The following COL6A5 variants were observed in gnomAD, a reference collection of about 807,000 sequenced individuals.
The protein encoded by COL6A5 is collagen type VI alpha 5 chain.
COL6A5 carries 48 observed loss-of-function variants against 65.6 expected under a neutral mutation model. The observed-to-expected ratio is 0.73, with a 90% CI of 0.58 to 0.93. The LOEUF (loss-of-function observed/expected upper bound fraction) is 0.93, where lower values mean the gene tolerates loss of function less well. Ranked by LOEUF, COL6A5 falls within the 40% of genes least tolerant of loss-of-function variation. The probability of loss-of-function intolerance (pLI) is 0.00; values close to 1 mark genes in which losing one functional copy is unlikely to be tolerated. For synonymous variants in COL6A5, 291 were observed against 322.8 expected, an observed-to-expected ratio of 0.90 and a Z score of 1.05; for missense variants, 914 against 928.3, an observed-to-expected ratio of 0.98 and a Z score of 0.20.
At position 130,422,710 on chromosome 3, in the gene COL6A5, G is replaced by A. The variant is rs1394720999; in HGVS notation, c.5038-10G>A. The A allele has an allele frequency of 1.3e-6, 2 of 1,511,070 alleles. No individual in the cohort carries two copies. Among genetic ancestry groups the A allele is most frequent in the Admixed American group, 2.1e-5 (1 of 47,792 alleles). 93.6% of individuals were successfully genotyped at this position (1,511,070 alleles called of 1,614,324 possible). ...TTTAACATCTTGACTTTTTATATCT[G>A]AATCTTCAGGGTGATATTGGTAATC... On this transcript the variant is annotated splice_polypyrimidine_tract_variant and intron_variant and NMD_transcript_variant, in intron 27 of 41. Transcript: ENST00000312481.
At chr3:130,385,116 A>T in exon 5 of COL6A5, 2 of 1,551,098 alleles carry the variant, frequency 1.3e-6, no homozygotes, top group Non-Finnish European at 1.7e-6. Flanking sequence ...GGAATGAAGG[A>T]TAGAATGAGC....
chr3:130,373,679 C>T, exon 2 of COL6A5: 1 of 1,542,846 alleles, frequency 6.5e-7, no homozygotes, highest in South Asian at 1.2e-5. Context: ...ATCATTTGGA[C>T]TGAAACATTG....
At chr3:130,397,626 T>C (rs780231191) in exon 9 of COL6A5, 47 of 1,551,458 alleles carry the variant, frequency 3.0e-5, no homozygotes, top group East Asian at 9.8e-5. Context: ...TCTCCACTCA[T>C]GTGCAGGGGC....
At chr3:130,478,805 A>G (rs901392536) in intron 7 of COL6A5, among the ~76,000 whole-genome samples, 1 of 152,060 alleles carries the variant, frequency 6.6e-6, no homozygotes, top group East Asian at 1.9e-4. Context: ...TCCTGTACAT[A>G]CTTCTGTTAA....
At chr3:130,373,380 T>C (rs1423455502) in intron 1 of COL6A5, among the ~76,000 whole-genome samples, 3 of 152,188 alleles carry the variant, frequency 2.0e-5, no homozygotes, top group East Asian at 3.9e-4. Flanking sequence ...TTAAATTAGA[T>C]GACACTTGTC....
intron 5 of COL6A5, among the ~76,000 whole-genome samples, 176 bp downstream of exon 37, chr3:130,455,842 C>T (rs770510540): frequency 3.3e-5 from 5 of 152,124 alleles, no homozygotes; most frequent in Non-Finnish European, 5.9e-5. Context: ...TGGTGACAGG[C>T]ACTGCTAGGG....
At chr3:130,408,450 CA>C (rs766782532) in intron 17 of COL6A5, among the ~76,000 whole-genome samples, 11 of 152,248 alleles carry the variant, frequency 7.2e-5, no homozygotes, top group Non-Finnish European at 1.3e-4. Flanking sequence ...TGCTCGCGAA[CA>C]CTGTTTCCTG....
At chr3:130,364,245 C>T (rs973031775) in intron 1 of COL6A5, among the ~76,000 whole-genome samples, 2 of 152,046 alleles carry the variant, frequency 1.3e-5, no homozygotes, top group Admixed American at 6.5e-5. Flanking sequence ...AAAATATCCT[C>T]GACCCCACAT....
chr3:130,365,823 C>A (rs1231366336), intron 1 of COL6A5, among the ~76,000 whole-genome samples: 1 of 152,174 alleles, frequency 6.6e-6, no homozygotes, highest in South Asian at 2.1e-4. Flanking sequence ...AGACCATGCC[C>A]CTGACCAATT....
chr3:130,372,487 G>A (rs189117428), intron 1 of COL6A5, among the ~76,000 whole-genome samples: 1 of 151,886 alleles, frequency 6.6e-6, no homozygotes, highest in Admixed American at 6.6e-5. Context: ...ATATTACTCA[G>A]CCATAAAAAA....
At chr3:130,455,022 C>T (rs1169621435) in intron 4 of COL6A5, among the ~76,000 whole-genome samples, 1 of 151,986 alleles carries the variant, frequency 6.6e-6, no homozygotes, top group African/African-American at 2.4e-5. Context: ...CATCTTTGGT[C>T]CCAGCTACTC....
rs567925159 is a variant in COL6A5 at position 130,475,277 on chromosome 3, C to T, written c.2328+4310C>T. On this transcript the variant is annotated intron_variant, in intron 7 of 7. Coordinates refer to ENST00000512836, the Ensembl canonical transcript of COL6A5. ...CAAATTGGTAAAAGATATAAATGTA[C>T]AGATTTTAAAAGCTAAAAAAAAAAT... Among the ~76,000 whole-genome samples the T allele has an allele frequency of 1.0e-3, 156 of 151,198 alleles. 1 individual carries two copies. Among genetic ancestry groups the T allele is most frequent in the African/African-American group, 3.6e-3 (147 of 41,244 alleles).
rs919178266 is a variant in COL6A5 at position 130,399,816 on chromosome 3, A to C, written c.3992-1215A>C. ...TGCCTAGGCTGGAGTGCAGTGACACAATCTCAGCTCGCTGCAACCTCTGCC... is the reference window on the plus strand; with the variant it reads ...TGCCTAGGCTGGAGTGCAGTGACACCATCTCAGCTCGCTGCAACCTCTGCC... On this transcript the variant is annotated intron_variant and NMD_transcript_variant, in intron 10 of 41. Coordinates refer to the COL6A5 transcript ENST00000312481. Among the ~76,000 whole-genome samples, 4 of 150,742 alleles carry C rather than the reference A, an allele frequency of 2.7e-5. 1 individual carries two copies. The East Asian group carries it at 6.0e-4, about 23-fold the overall frequency.
chr3:130,368,797 G>A (rs1054312288), intron 1 of COL6A5, among the ~76,000 whole-genome samples: 1 of 152,186 alleles, frequency 6.6e-6, no homozygotes, highest in Admixed American at 6.5e-5. Flanking sequence ...TGGACAGCCA[G>A]CACAGGAAAA....
intron 5 of COL6A5, among the ~76,000 whole-genome samples, chr3:130,386,870 A>G (rs1936207060): frequency 6.6e-6 from 1 of 152,072 alleles, no homozygotes; most frequent in African/African-American, 2.4e-5. Context: ...CAAAGGAGCC[A>G]AAGCTTGTGG....
chr3:130,461,694 T>C (rs545147189), intron 5 of COL6A5, among the ~76,000 whole-genome samples: 1 of 152,154 alleles, frequency 6.6e-6, no homozygotes, highest in African/African-American at 2.4e-5. Context: ...TGTAAAATCA[T>C]GTAATCATTT....
intron 10 of COL6A5, among the ~76,000 whole-genome samples, chr3:130,400,295 A>G (rs751915215): frequency 1.3e-5 from 2 of 152,244 alleles, no homozygotes; most frequent in Admixed American, 6.5e-5. Flanking sequence ...GATGTTTCTC[A>G]GAGCAACTAT....
chr3:130,432,299 A>G (rs1937851100), intron 1 of COL6A5, among the ~76,000 whole-genome samples: 1 of 152,152 alleles, frequency 6.6e-6, no homozygotes, highest in Non-Finnish European at 1.5e-5. Context: ...TCATGCCTGT[A>G]ATCCCAGAAC....
chr3:130,482,421 A>C (rs1341681972), intron 7 of COL6A5, among the ~76,000 whole-genome samples: 1 of 152,204 alleles, frequency 6.6e-6, no homozygotes, highest in South Asian at 2.1e-4. Context: ...TGTTGATACC[A>C]ATACCATGCT....
Sources: allele counts gnomAD v4.1 joint callset (sites outside exome capture counted in the v4.1 genomes callset), GRCh38; gene constraint gnomAD v4.1.1; transcripts MANE v1.5; gene names NCBI Gene and HGNC (gene_info 2026-07-23, HGNC 2026-07-21).